Variants in CASP10 observed in about 807,000 individuals in gnomAD.
CASP10 encodes caspase 10.
CASP10 carries 41 observed loss-of-function variants against 48.5 expected under a neutral mutation model. The observed-to-expected ratio is 0.85, with a 90% CI of 0.66 to 1.10. The LOEUF (loss-of-function observed/expected upper bound fraction) is 1.10, where lower values mean the gene tolerates loss of function less well. CASP10 is among the 50% of genes least tolerant of loss of function. CASP10 has a pLI of 0.00. For synonymous variants in CASP10, 232 were observed against 238.4 expected, an observed-to-expected ratio of 0.97 and a Z score of 0.25; for missense variants, 614 against 614.5, an observed-to-expected ratio of 1.00 and a Z score of 0.01.
At chr2:201,196,358 C>G (rs1408517753) in intron 5 of CASP10, among the ~76,000 whole-genome samples, 1 of 152,206 alleles carries the variant, frequency 6.6e-6, no homozygotes, top group Admixed American at 6.5e-5. Context: ...GTTTAATGCT[C>G]TGCTGTTACT....
chr2:201,227,363 G>A (rs557057468), intron 9 of CASP10, among the ~76,000 whole-genome samples: 1 of 152,150 alleles, frequency 6.6e-6, no homozygotes, highest in African/African-American at 2.4e-5. Context: ...TTCTGTGGCT[G>A]TAATTAATAT....
At chr2:201,191,892 A>G (rs987370749) in intron 3 of CASP10, among the ~76,000 whole-genome samples, 1 of 152,216 alleles carries the variant, frequency 6.6e-6, no homozygotes, top group Non-Finnish European at 1.5e-5. Flanking sequence ...TCTTTAACAA[A>G]AAAGCAAAAA....
At chr2:201,210,171 C>G (rs1238300302) in intron 9 of CASP10, among the ~76,000 whole-genome samples, 1 of 152,222 alleles carries the variant, frequency 6.6e-6, no homozygotes, top group Non-Finnish European at 1.5e-5. Context: ...TATGTGCTAT[C>G]TTTGGACTTC....
At chr2:201,193,838 C>A (rs1484974154) in intron 4 of CASP10, among the ~76,000 whole-genome samples, 2 of 152,264 alleles carry the variant, frequency 1.3e-5, no homozygotes, top group South Asian at 4.1e-4. Flanking sequence ...GCCAGGACTC[C>A]ACTTACTAGT....
At chr2:201,208,788 C>T (rs745467926) in intron 8 of CASP10, among the ~76,000 whole-genome samples, 32 of 152,072 alleles carry the variant, frequency 2.1e-4, no homozygotes, top group African/African-American at 5.3e-4. Flanking sequence ...AAGCCATTCT[C>T]GTGCCTCAGC....
chr2:201,225,320 T>C (rs1945774041), downstream of CASP10, among the ~76,000 whole-genome samples: 1 of 152,206 alleles, frequency 6.6e-6, no homozygotes, highest in Non-Finnish European at 1.5e-5. Flanking sequence ...CCAACTCTGG[T>C]TAATCCTATA....
At chr2:201,206,537 ATG>A (rs767358943) in intron 7 of CASP10, among the ~76,000 whole-genome samples, 1 of 148,170 alleles carries the variant, frequency 6.7e-6, no homozygotes, top group Non-Finnish European at 1.5e-5. Context: ...ATGAATATAT[ATG>A]TGTATATATA....
At chr2:201,200,866 A>G (rs1944993500) in intron 5 of CASP10, 1 of 522,692 alleles carries the variant, frequency 1.9e-6, no homozygotes, top group Non-Finnish European at 2.5e-6. Flanking sequence ...ATTAATTCCA[A>G]TCCTAGAAAA....
In CASP10 at chr2:201,221,006, C is replaced by T. The variant is rs964779266; in HGVS notation, c.*3265C>T. 22 of 985,174 alleles carry T rather than the reference C, an allele frequency of 2.2e-5. No individual in the cohort carries two copies. In the African/African-American group the frequency reaches 2.3e-4, roughly 10 times the overall value. The allele number at this position is 985,174 out of a possible 1,614,324, so 61.0% of individuals were successfully genotyped here. A position where few individuals can be genotyped will look rare whatever the true frequency, so the allele number is the denominator to read the frequency against. On this transcript the variant is annotated 3_prime_UTR_variant, in exon 10 of 10. Coordinates refer to ENST00000286186, the MANE Select transcript of CASP10 (RefSeq NM_032977.4). ...GAGAAAACATTAGCTGTTGGGAAGA[C>T]GAAAAAGAATGTGTCCTATGTGTGC...
chr2:201,186,493 A>G, intron 2 of CASP10: 1 of 287,324 alleles, frequency 3.5e-6, no homozygotes, highest in Admixed American at 4.8e-5. Context: ...GGTCTTGAGA[A>G]GAGAGTAATG....
rs778824401 is a variant in CASP10, at chr2:201,209,071, G to A, written c.924G>A (p.Glu308=). The change falls in exon 9 of 10, where the codon GAG becomes GAA. Residue 308 remains glutamate, a splice_region_variant and synonymous_variant. Coordinates refer to ENST00000286186, the MANE Select transcript of CASP10 (RefSeq NM_032977.4). ...KDRQGTHKDA[E]ILSHVFQWLG... ...TTTTTTTTTTTTGTTTTTAAACAGA[G>A]ATCCTGAGTCATGTGTTCCAGTGGC... The A allele has an allele frequency of 3.3e-6, 5 of 1,529,610 alleles. No individual in the cohort carries two copies. In the South Asian group the frequency reaches 5.7e-5, roughly 17 times the overall value. 94.8% of individuals were successfully genotyped at this position (1,529,610 alleles called of 1,614,324 possible). A position where few individuals can be genotyped will look rare whatever the true frequency, so the allele number is the denominator to read the frequency against.
intron 3 of CASP10, among the ~76,000 whole-genome samples, chr2:201,192,373 A>G (rs1178296585): frequency 6.6e-6 from 1 of 151,418 alleles, no homozygotes; most frequent in Non-Finnish European, 1.5e-5. Flanking sequence ...CCTGGGAGAC[A>G]GAGTGAGAGA....
At chr2:201,224,316 C>A (rs893327953), downstream of CASP10, among the ~76,000 whole-genome samples, 60 of 152,036 alleles carry the variant, frequency 3.9e-4, no homozygotes, top group African/African-American at 1.2e-3. Context: ...AATGAAATCC[C>A]TTTTAAAAAG....
At chr2:201,228,038 C>T (rs2126069950) in intron 9 of CASP10, among the ~76,000 whole-genome samples, 1 of 151,654 alleles carries the variant, frequency 6.6e-6, no homozygotes, top group East Asian at 2.0e-4. Flanking sequence ...GAAGAACCTT[C>T]AAAAAGGTCT....
intron 4 of CASP10, among the ~76,000 whole-genome samples, chr2:201,195,195 G>A (rs1245296067): frequency 2.0e-5 from 3 of 151,576 alleles, no homozygotes; most frequent in African/African-American, 4.9e-5. Context: ...AAGTTCAAGC[G>A]ATTCTTCTGC....
intron 5 of CASP10, among the ~76,000 whole-genome samples, chr2:201,202,039 A>G (rs1028115108): frequency 2.0e-5 from 3 of 152,016 alleles, no homozygotes; most frequent in Non-Finnish European, 4.4e-5. Context: ...TTTAGTAGAG[A>G]TGGGGTTTCG....
exon 10 of CASP10, chr2:201,229,105 T>C: frequency 6.2e-7 from 1 of 1,613,710 alleles, no homozygotes; most frequent in South Asian, 1.1e-5. Context: ...GGCTTCCTTC[T>C]GCCTGCCTTC....
downstream of CASP10, among the ~76,000 whole-genome samples, chr2:201,226,003 C>T (rs368116673): frequency 1.5e-4 from 23 of 152,120 alleles, no homozygotes; most frequent in African/African-American, 5.5e-4. Context: ...GGATGAGCCA[C>T]AAACTGGGAA....
At chr2:201,206,100 CTGTT>C in intron 7 of CASP10, 127 bp downstream of exon 7, 1 of 625,430 alleles carries the variant, frequency 1.6e-6, no homozygotes, top group Non-Finnish European at 2.8e-6. Context: ...GGGCTCCGAG[CTGTT>C]TGTTTCAGAC....
Sources: gnomAD v4.1 joint callset for allele counts (sites outside exome capture counted in the v4.1 genomes callset) on GRCh38, gnomAD v4.1.1 for gene constraint, MANE v1.5 for transcripts, NCBI Gene and HGNC (gene_info 2026-07-23, HGNC 2026-07-21) for gene names.